Variants in SPTBN4 observed in about 807,000 individuals in gnomAD.
SPTBN4 encodes spectrin beta chain, non-erythrocytic 4.
A neutral mutation model predicts 277.8 loss-of-function variants in SPTBN4; 96 were observed. The observed-to-expected ratio is 0.35, with a 90% CI of 0.29 to 0.41. The LOEUF (loss-of-function observed/expected upper bound fraction) is 0.41. SPTBN4 is among the 10% of genes least tolerant of loss of function. The probability of loss-of-function intolerance (pLI) is 1.00; values close to 1 mark genes in which losing one functional copy is unlikely to be tolerated. For synonymous variants in SPTBN4, 1,481 were observed against 1,580.3 expected, an observed-to-expected ratio of 0.94 and a Z score of 1.49; for missense variants, 3,006 against 3,595.7, an observed-to-expected ratio of 0.84 and a Z score of 4.19.
Position 40,554,420 on chromosome 19 carries a change from G to A in SPTBN4, c.4948G>A (p.Gly1650Ser). Reference protein sequence around the residue: ...QELLMMSEDKGKDEQSTLQLL... With the variant: ...QELLMMSEDKSKDEQSTLQLL... Reference sequence around the variant, plus strand: ...GCTGCTCATGATGAGTGAGGACAAGGGCAAGGTGCGCCCGAGCTGGGGGTG... The same window carrying A: ...GCTGCTCATGATGAGTGAGGACAAGAGCAAGGTGCGCCCGAGCTGGGGGTG... The change falls in exon 23 of 36, where the codon GGC becomes AGC. Residue 1650 changes from glycine to serine, a missense_variant. Gly to Ser is a moderately conservative substitution (Grantham distance 56). Transcript: ENST00000598249. The surrounding 1 kb of genome is among the most constrained non-coding windows in gnomAD (Gnocchi z 5.7). The A allele has an allele frequency of 1.9e-6, 3 of 1,566,396 alleles. No individual in the cohort carries two copies. The highest frequency in any genetic ancestry group is 2.6e-6 in the Non-Finnish European group (3 of 1,153,728).
At chr19:40,473,146 A>G (rs2079905781) in intron 2 of SPTBN4, among the ~76,000 whole-genome samples, 1 of 152,044 alleles carries the variant, frequency 6.6e-6, no homozygotes, top group African/African-American at 2.4e-5. Flanking sequence ...TCACCGGCTC[A>G]AGCCATCCTC....
intron 18 of SPTBN4, chr19:40,530,630 C>G: frequency 2.1e-6 from 2 of 954,896 alleles, no homozygotes; most frequent in Non-Finnish European, 2.5e-6. Context: ...GCGCGCACCC[C>G]GCGGACGCAG....
At chr19:40,574,228 G>A (rs951681879) in intron 35 of SPTBN4, among the ~76,000 whole-genome samples, 5 of 152,226 alleles carry the variant, frequency 3.3e-5, no homozygotes, top group African/African-American at 9.6e-5. Context: ...GCATGGCTGG[G>A]CCACACAGGC....
At chr19:40,503,046 TC>T in intron 11 of SPTBN4, 113 bp downstream of exon 11, 1 of 1,339,912 alleles carries the variant, frequency 7.5e-7, no homozygotes, top group Non-Finnish European at 1.0e-6. Context: ...GTTAGATTAG[TC>T]TCCTGGTGAT....
rs1301460209 is a variant in SPTBN4, at chr19:40,566,356, C to T, written c.6333C>T (p.Thr2111=). 3 of 1,544,744 alleles carry T rather than the reference C, an allele frequency of 1.9e-6. No individual in the cohort carries two copies. In the South Asian group the frequency reaches 3.6e-5, roughly 19 times the overall value. The change falls in exon 30 of 36, where the codon ACC becomes ACT. Residue 2111 remains threonine, a synonymous_variant. Coordinates refer to ENST00000598249, the MANE Select transcript of SPTBN4 (RefSeq NM_020971.3). ...GGTTCAGCTCTCTGCGGCGCCTGAC[C>T]ACGGTCAGCTCCCCAGATACTGCCC... The part of the protein sequence containing the change: ...EERFSSLRRL[T]TIEKIKAEQS...
At chr19:40,498,020 T>C (rs1331073216) in intron 7 of SPTBN4, among the ~76,000 whole-genome samples, 3 of 151,130 alleles carry the variant, frequency 2.0e-5, no homozygotes, top group African/African-American at 4.9e-5. Context: ...CATCTTCAAG[T>C]GTCTCCATCC....
chr19:40,510,983 C>T (rs767153583), intron 13 of SPTBN4, among the ~76,000 whole-genome samples: 22 of 152,106 alleles, frequency 1.4e-4, no homozygotes, highest in Non-Finnish European at 2.6e-4. Context: ...TGCCACTGCA[C>T]TCCAGCCTGG....
At chr19:40,480,595 G>A (rs1408218182) in intron 2 of SPTBN4, among the ~76,000 whole-genome samples, 1 of 152,038 alleles carries the variant, frequency 6.6e-6, no homozygotes, top group African/African-American at 2.4e-5. Context: ...TTTTATGTCC[G>A]GCATTATTCA....
chr19:40,563,905 G>A (rs993798565), intron 27 of SPTBN4, among the ~76,000 whole-genome samples: 1 of 151,674 alleles, frequency 6.6e-6, no homozygotes, highest in Non-Finnish European at 1.5e-5. Flanking sequence ...AAATTAGCCA[G>A]GCTTGGTGGC....
intron 13 of SPTBN4, among the ~76,000 whole-genome samples, chr19:40,507,208 C>T (rs2080340516): frequency 6.6e-6 from 1 of 151,490 alleles, no homozygotes; most frequent in Non-Finnish European, 1.5e-5. Context: ...CCAGCCACTG[C>T]AGAGGCTGAG....
Position 40,486,562 on chromosome 19 carries a change from GA to G in SPTBN4, c.170-1134del, listed in dbSNP as rs370483126. On this transcript the variant is annotated intron_variant, in intron 2 of 35. Coordinates refer to ENST00000598249, the MANE Select transcript of SPTBN4 (RefSeq NM_020971.3). Reference sequence around the variant, plus strand: ...TTTTTTGTATTTTTTTGTAGAGACAGAGTCTTCACCATGTTCCCCAGGCAGG... The same window carrying G: ...TTTTTTGTATTTTTTTGTAGAGACAGGTCTTCACCATGTTCCCCAGGCAGG... 4.0e-3 allele frequency among the ~76,000 whole-genome samples: 604 copies of G among 152,118 alleles called. 3 individuals are homozygous for G. Among genetic ancestry groups the G allele is most frequent in the African/African-American group, 0.014 (571 of 41,536 alleles).
At chr19:40,570,791 C>A (rs2081148324) in intron 33 of SPTBN4, 63 bp downstream of exon 33, 2 of 1,543,180 alleles carry the variant, frequency 1.3e-6, no homozygotes, top group Non-Finnish European at 1.7e-6. Flanking sequence ...TTGCGTGGAG[C>A]GGTGGGACTG....
At chr19:40,553,012 G>A (rs985992239) in intron 22 of SPTBN4, among the ~76,000 whole-genome samples, 5 of 152,194 alleles carry the variant, frequency 3.3e-5, no homozygotes, top group African/African-American at 1.2e-4. Flanking sequence ...GATACTAGCT[G>A]TGTGACCTTA....
In SPTBN4 at chr19:40,574,652, A is replaced by T. The variant is rs187286343; in HGVS notation, c.7537-759A>T. Among the ~76,000 whole-genome samples the T allele has an allele frequency of 4.0e-3, 611 of 152,186 alleles. 5 individuals carry two copies. Among genetic ancestry groups the T allele is most frequent in the Non-Finnish European group, 5.8e-3 (393 of 68,010 alleles). ...GCTGGGATTACAGGCATGAGCCACC[A>T]CACCCGGCCAGAAGTAGGCCTTTAC... On this transcript the variant is annotated intron_variant, in intron 35 of 35. Transcript: ENST00000598249.
intron 2 of SPTBN4, among the ~76,000 whole-genome samples, chr19:40,474,415 C>G (rs997311812): frequency 2.0e-5 from 3 of 151,138 alleles, no homozygotes; most frequent in Non-Finnish European, 4.4e-5. Flanking sequence ...CCAACCAGTA[C>G]AGTGGGTCAC....
In SPTBN4 at chr19:40,554,680, T is replaced by G; in HGVS notation, c.5084+34T>G. 4.4e-6 allele frequency: 7 copies of G among 1,591,740 alleles called. No individual in the cohort carries two copies. The highest frequency in any genetic ancestry group is 5.1e-6 in the Non-Finnish European group (6 of 1,170,260). ...GCGCGTGGCCAGTTCACAGGAATGG[T>G]CCAGCAGGACCTGAAGCTTCGCTGT... On this transcript the variant is annotated intron_variant, in intron 24 of 35. Transcript: ENST00000598249. This position sits in a 1 kb window ranked among gnomAD's most constrained non-coding sequence, Gnocchi z 5.7.
At chr19:40,507,888 T>C (rs1358388586) in intron 13 of SPTBN4, among the ~76,000 whole-genome samples, 1 of 152,148 alleles carries the variant, frequency 6.6e-6, no homozygotes, top group Non-Finnish European at 1.5e-5. Flanking sequence ...TCACTAGTCT[T>C]TGTGTTAGTG....
Position 40,480,852 on chromosome 19 carries a change from C to T in SPTBN4, c.170-6845C>T, listed in dbSNP as rs899228988. ...CCAAGGCAGGCGGATTACTTGAGTC[C>T]AGGAGTTCAAGACCAGCCTGGGCAA... On this transcript the variant is annotated intron_variant, in intron 2 of 35. Coordinates refer to ENST00000598249, the MANE Select transcript of SPTBN4 (RefSeq NM_020971.3). Among the ~76,000 whole-genome samples, 22 of 152,122 alleles carry T rather than the reference C, an allele frequency of 1.4e-4. 1 individual carries two copies. Among genetic ancestry groups the T allele is most frequent in the Non-Finnish European group, 2.8e-4 (19 of 68,038 alleles).
intron 4 of SPTBN4, among the ~76,000 whole-genome samples, chr19:40,491,047 A>C (rs1210520259): frequency 6.6e-6 from 1 of 152,166 alleles, no homozygotes; most frequent in African/African-American, 2.4e-5. Context: ...CTTAAAAGAA[A>C]AAAAAAGCTA....
Sources: allele counts gnomAD v4.1 joint callset (sites outside exome capture counted in the v4.1 genomes callset), GRCh38; gene constraint gnomAD v4.1.1; non-coding constraint Gnocchi (gnomAD v3.1); transcripts MANE v1.5; gene names NCBI Gene and HGNC (gene_info 2026-07-23, HGNC 2026-07-21).